Variants in RARB observed in about 807,000 individuals in gnomAD.
RARB encodes HBV-activated protein.
Under a neutral mutation model 51.9 loss-of-function variants are expected in RARB, and 17 were observed. The ratio of observed to expected loss-of-function variants is 0.33; its 90% CI spans 0.22 to 0.49. The LOEUF is 0.49. Ranked by LOEUF, RARB falls within the 20% of genes least tolerant of loss-of-function variation. The pLI, the probability that RARB is intolerant of heterozygous loss-of-function variation, is 0.99. For synonymous variants in RARB, 215 were observed against 195.4 expected (o/e 1.10, Z -0.84); for missense variants, 369 against 550.8 (o/e 0.67, Z 3.30).
chr3:25,483,648 A>T (rs1170642911), intron 2 of RARB, among the ~76,000 whole-genome samples: 1 of 151,194 alleles, frequency 6.6e-6, no homozygotes, highest in Non-Finnish European at 1.5e-5. Context: ...TTGGTAGCAT[A>T]GGAAAACAAA....
At chr3:24,912,979 T>TTTTG (rs1695025296) in intron 2 of RARB, among the ~76,000 whole-genome samples, 1 of 94,938 alleles carries the variant, frequency 1.1e-5, no homozygotes, top group Non-Finnish European at 2.1e-5. Flanking sequence ...CTGATTCTTT[T>TTTTG]TTTTTTTTTT....
intron 1 of RARB, among the ~76,000 whole-genome samples, chr3:24,856,252 C>T (rs1702633465): frequency 6.6e-6 from 1 of 152,048 alleles, no homozygotes; most frequent in South Asian, 2.1e-4. Context: ...TTAGACCTAC[C>T]ATGGCATGCT....
At chr3:25,393,758 G>T (rs913839709) in intron 5 of RARB, among the ~76,000 whole-genome samples, 10 of 151,926 alleles carry the variant, frequency 6.6e-5, no homozygotes, top group African/African-American at 2.4e-4. Context: ...CATTGTAATA[G>T]CTTCTGTTTC....
chr3:25,240,555 T>C (rs1007161031), intron 5 of RARB, among the ~76,000 whole-genome samples: 1 of 152,208 alleles, frequency 6.6e-6, no homozygotes, highest in Admixed American at 6.5e-5. Context: ...ATGTTGAATC[T>C]TATCAAATGC....
At chr3:24,861,502 C>T (rs1040909653) in intron 2 of RARB, among the ~76,000 whole-genome samples, 62 of 150,782 alleles carry the variant, frequency 4.1e-4, no homozygotes, top group African/African-American at 1.4e-3. Context: ...ACAGTTATGC[C>T]TATTGATATT....
At chr3:25,300,079 A>G (rs1704004979) in intron 5 of RARB, among the ~76,000 whole-genome samples, 1 of 152,226 alleles carries the variant, frequency 6.6e-6, no homozygotes, top group African/African-American at 2.4e-5. Context: ...TTTGTAAGAT[A>G]TGGTTGAGGA....
chr3:24,991,513 CT>C (rs1696911064), intron 2 of RARB, among the ~76,000 whole-genome samples: 1 of 151,684 alleles, frequency 6.6e-6, no homozygotes, highest in South Asian at 2.1e-4. Flanking sequence ...CAATCTTACT[CT>C]TTTTAATTTT....
rs535593339 is a variant in RARB at position 24,888,018 on chromosome 3, T to A, written c.-380+29266T>A. Among the ~76,000 whole-genome samples the A allele has an allele frequency of 5.9e-5, 9 of 152,284 alleles. No homozygotes were observed. The East Asian group carries it at 1.7e-3, about 29-fold the overall frequency. ...TGAGTGCCCATGGCCTACATGCATA[T>A]GTTGGATACTGTTATTATATGACTC... is the stretch of plus-strand genomic sequence containing the variant. On this transcript the variant is annotated intron_variant, in intron 2 of 11. Coordinates refer to the RARB transcript ENST00000383772.
At chr3:24,953,461 A>G (rs1695942240) in intron 2 of RARB, among the ~76,000 whole-genome samples, 1 of 152,214 alleles carries the variant, frequency 6.6e-6, no homozygotes, top group South Asian at 2.1e-4. Context: ...TCTTCTGGAA[A>G]CACTAGTGCA....
At chr3:25,331,486 A>G (rs751678067) in intron 5 of RARB, among the ~76,000 whole-genome samples, 10 of 152,228 alleles carry the variant, frequency 6.6e-5, no homozygotes, top group Non-Finnish European at 1.5e-4. Context: ...GTGAGAACAA[A>G]GACACAACAT....
rs114201895 is a variant in RARB, at chr3:25,432,067, G to A, written c.157+3179G>A. Among the ~76,000 whole-genome samples, 585 of 152,132 alleles carry A rather than the reference G, an allele frequency of 3.8e-3. 5 individuals are homozygous for A. Among genetic ancestry groups the A allele is most frequent in the African/African-American group, 0.013 (547 of 41,506 alleles). On this transcript the variant is annotated intron_variant, in intron 1 of 7. Coordinates refer to ENST00000330688, the MANE Select transcript of RARB (RefSeq NM_000965.5). ...AGTAGGACATAATTTTCTGCTTCTC[G>A]GGCACATGACGGTGGTAACTAATAC...
Position 25,326,052 on chromosome 3 carries a change from T to C in RARB, c.179-135141T>C, listed in dbSNP as rs186130549. ...GAGATTTATTGAGGAAGGCTGGTCA[T>C]GAGAATTTCTTAAAGAGAGTTACCA... is the stretch of plus-strand genomic sequence containing the variant. On this transcript the variant is annotated intron_variant, in intron 5 of 11. Coordinates refer to the RARB transcript ENST00000383772. Among the ~76,000 whole-genome samples, 429 of 152,314 alleles carry C rather than the reference T, an allele frequency of 2.8e-3. 4 individuals carry two copies. Among genetic ancestry groups the C allele is most frequent in the South Asian group, 3.7e-3 (18 of 4,822 alleles).
intron 2 of RARB, among the ~76,000 whole-genome samples, chr3:24,908,467 T>G (rs985522345): frequency 1.3e-5 from 2 of 152,146 alleles, no homozygotes; most frequent in Admixed American, 6.5e-5. Context: ...CTTAACAATT[T>G]GGATCTTCTC....
At chr3:24,845,873 G>T (rs778503113) in intron 1 of RARB, among the ~76,000 whole-genome samples, 12 of 152,158 alleles carry the variant, frequency 7.9e-5, no homozygotes, top group Non-Finnish European at 1.6e-4. Context: ...GAGAATTAAT[G>T]AATTATTTGG....
At chr3:25,013,806 C>A (rs778494249) in intron 2 of RARB, among the ~76,000 whole-genome samples, 5 of 152,072 alleles carry the variant, frequency 3.3e-5, no homozygotes, top group Non-Finnish European at 4.4e-5. Flanking sequence ...TTTCTTCTCT[C>A]TATACTAACA....
chr3:25,586,944 G>A (rs79443185), intron 5 of RARB, among the ~76,000 whole-genome samples: 6,862 of 152,286 alleles, frequency 0.045, 204 homozygotes, highest in Middle Eastern at 0.15. Flanking sequence ...GATGTGGCAC[G>A]ATTACCCCAT....
At chr3:25,370,923 C>A (rs906772102) in intron 5 of RARB, among the ~76,000 whole-genome samples, 1 of 152,142 alleles carries the variant, frequency 6.6e-6, no homozygotes, top group Non-Finnish European at 1.5e-5. Flanking sequence ...ACTGCCGGGG[C>A]ACCTTAGCCC....
intron 4 of RARB, among the ~76,000 whole-genome samples, chr3:25,137,271 T>A (rs1700043526): frequency 2.0e-5 from 3 of 152,228 alleles, no homozygotes; most frequent in African/African-American, 7.2e-5. Context: ...TAGCTGGAAT[T>A]CTTATAATTT....
At chr3:25,446,020 A>T (rs1039657429) in intron 1 of RARB, among the ~76,000 whole-genome samples, 1 of 152,242 alleles carries the variant, frequency 6.6e-6, no homozygotes, top group African/African-American at 2.4e-5. Context: ...AAAGCATGAT[A>T]AATAATCCCA....
Sources: gnomAD v4.1 joint callset for allele counts (sites outside exome capture counted in the v4.1 genomes callset) on GRCh38, gnomAD v4.1.1 for gene constraint, MANE v1.5 for transcripts, NCBI Gene and HGNC (gene_info 2026-07-23, HGNC 2026-07-21) for gene names.